RASGEF1B: variants seen among roughly 807,000 people sequenced by gnomAD.
The protein encoded by RASGEF1B is ras-GEF domain-containing family member 1B.
A neutral mutation model predicts 65.7 loss-of-function variants in RASGEF1B; 30 were observed. The observed-to-expected ratio is 0.46, with a 90% CI of 0.34 to 0.62. RASGEF1B has a LOEUF of 0.62. Ranked by LOEUF, RASGEF1B falls within the 20% of genes least tolerant of loss-of-function variation. RASGEF1B has a pLI of 0.01. For synonymous variants in RASGEF1B, 175 were observed against 194.8 expected, an observed-to-expected ratio of 0.90 and a Z score of 0.85; for missense variants, 495 against 580.1, an observed-to-expected ratio of 0.85 and a Z score of 1.51.
Position 81,427,766 on chromosome 4 carries a change from T to C in RASGEF1B, c.*2A>G. On this transcript the variant is annotated 3_prime_UTR_variant, in exon 14 of 14. Coordinates refer to ENST00000264400, the MANE Select transcript of RASGEF1B (RefSeq NM_152545.3). ...CAGCAGCAGGCAGGCAGCTCCCATG[T>C]GTTAAACTCTGCCTAAGAGGCTCGA... is the stretch of plus-strand genomic sequence containing the variant. 6.2e-7 allele frequency: 1 copy of C among 1,614,020 alleles called. No homozygotes were observed. The highest frequency in any genetic ancestry group is 8.5e-7 in the Non-Finnish European group (1 of 1,180,016).
chr4:81,429,156 C>T (rs1721330374), intron 13 of RASGEF1B, among the ~76,000 whole-genome samples: 1 of 152,100 alleles, frequency 6.6e-6, no homozygotes, highest in Admixed American at 6.5e-5. Context: ...TGGCTGGTAA[C>T]GAGAGAGGAA....
chr4:81,465,613 G>C (rs1386480544), intron 1 of RASGEF1B, among the ~76,000 whole-genome samples: 2 of 152,184 alleles, frequency 1.3e-5, no homozygotes, highest in Non-Finnish European at 2.9e-5. Flanking sequence ...GATTTGAAAG[G>C]CATGCCTAAT....
At position 81,426,586 on chromosome 4, in the gene RASGEF1B, TC is replaced by T. The variant is rs1402324964; in HGVS notation, c.*1181del. On this transcript the variant is annotated 3_prime_UTR_variant, in exon 14 of 14. Transcript: ENST00000264400. The stretch of plus-strand genomic sequence containing the variant: ...TAGCACGAATTACTACTCTACAGTT[TC>T]TTCTAGAGTAAATAAATATAATGGC... The T allele has an allele frequency of 6.6e-6, 1 of 152,236 alleles. No individual in the cohort carries two copies. The highest frequency in any genetic ancestry group is 1.5e-5 in the Non-Finnish European group (1 of 68,034). The allele number at this position is 152,236 out of a possible 1,614,324, so 9.4% of individuals were successfully genotyped here. A position where few individuals can be genotyped will look rare whatever the true frequency, so the allele number is the denominator to read the frequency against.
At chr4:81,462,619 C>G (rs1722686785) in intron 1 of RASGEF1B, among the ~76,000 whole-genome samples, 1 of 152,172 alleles carries the variant, frequency 6.6e-6, no homozygotes. Flanking sequence ...GCACAATAGT[C>G]TTATTTTTCT....
At chr4:81,469,526 C>G (rs1578646887) in intron 1 of RASGEF1B, among the ~76,000 whole-genome samples, 1 of 152,038 alleles carries the variant, frequency 6.6e-6, no homozygotes, top group Admixed American at 6.5e-5. Context: ...CTATTGTACT[C>G]TATTAACTAG....
At chr4:81,458,239 C>G (rs1375230521) in intron 2 of RASGEF1B, among the ~76,000 whole-genome samples, 1 of 152,164 alleles carries the variant, frequency 6.6e-6, no homozygotes, top group Non-Finnish European at 1.5e-5. Flanking sequence ...CACATTGTCT[C>G]CTAAGAAGCC....
Position 81,440,856 on chromosome 4 carries a change from G to GTTAAAGAC in RASGEF1B, c.1074_1081dup (p.Thr361SerfsTer3). On this transcript the variant is annotated stop_gained and frameshift_variant, in exon 10 of 14. Coordinates refer to ENST00000264400, the MANE Select transcript of RASGEF1B (RefSeq NM_152545.3). LOFTEE classifies it high-confidence loss of function. The stretch of plus-strand genomic sequence containing the variant: ...TACCTTTTCTCTACTACTATGAGCA[G>GTTAAAGAC]TTAAAGACCTTTGTGCTGCCCCACG... The GTTAAAGAC allele has an allele frequency of 6.2e-7, 1 of 1,612,024 alleles. No homozygotes were observed. The highest frequency in any genetic ancestry group is 8.5e-7 in the Non-Finnish European group (1 of 1,178,362).
chr4:81,471,099 T>C, intron 1 of RASGEF1B: 1 of 152,120 alleles, frequency 6.6e-6, no homozygotes, highest in East Asian at 1.9e-4. Context: ...GGCGACTCAG[T>C]GTCTCCCAAG....
intron 9 of RASGEF1B, 34 bp from the exon 10 acceptor site, chr4:81,440,963 T>C: frequency 7.3e-7 from 1 of 1,372,502 alleles, no homozygotes; most frequent in Admixed American, 1.7e-5. Context: ...ATTAACTATT[T>C]ATTTATTGTA....
intron 2 of RASGEF1B, 127 bp from the exon 3 acceptor site, chr4:81,457,748 C>A (rs1722500517): frequency 1.0e-6 from 1 of 953,210 alleles, no homozygotes; most frequent in Non-Finnish European, 1.6e-6. Flanking sequence ...AAAAGTAATG[C>A]CTACTAGTAG....
At chr4:81,429,030 T>C (rs774802827) in intron 13 of RASGEF1B, among the ~76,000 whole-genome samples, 1 of 152,240 alleles carries the variant, frequency 6.6e-6, no homozygotes, top group Non-Finnish European at 1.5e-5. Context: ...TGACGAGTAA[T>C]AGAGAGCAAG....
chr4:81,449,463 G>C (rs1397123004), intron 4 of RASGEF1B, among the ~76,000 whole-genome samples: 1 of 152,198 alleles, frequency 6.6e-6, no homozygotes. Flanking sequence ...TATGATATAA[G>C]TTGCAGAGTC....
At chr4:81,446,778 GACAA>G (rs1423299736) in intron 6 of RASGEF1B, among the ~76,000 whole-genome samples, 5 of 152,138 alleles carry the variant, frequency 3.3e-5, no homozygotes, top group Non-Finnish European at 4.4e-5. Context: ...AAAAGAAAGA[GACAA>G]ACAAAGAGTC....
intron 4 of RASGEF1B, chr4:81,454,401 A>G (rs759880724): frequency 1.3e-5 from 2 of 152,220 alleles, no homozygotes; most frequent in Non-Finnish European, 2.9e-5. Flanking sequence ...CTGACATATA[A>G]TGTTAAGTAG....
chr4:81,447,642 C>T, intron 5 of RASGEF1B, 64 bp from the exon 6 acceptor site: 6 of 1,180,494 alleles, frequency 5.1e-6, no homozygotes, highest in Non-Finnish European at 7.6e-6. Context: ...ACTGTCAACT[C>T]CCTCTATGAC....
chr4:81,440,035 C>T (rs932375662), intron 10 of RASGEF1B, among the ~76,000 whole-genome samples: 1 of 152,040 alleles, frequency 6.6e-6, no homozygotes, highest in Non-Finnish European at 1.5e-5. Flanking sequence ...ATGTTTTTTA[C>T]CTCATTTTCT....
At chr4:81,456,409 T>A in intron 4 of RASGEF1B, 1 of 626,070 alleles carries the variant, frequency 1.6e-6, no homozygotes, top group Non-Finnish European at 2.9e-6. Context: ...ATCCTGTGCA[T>A]GAGTTGACAT....
chr4:81,430,374 G>A (rs185401836), intron 13 of RASGEF1B, among the ~76,000 whole-genome samples: 3 of 152,182 alleles, frequency 2.0e-5, no homozygotes, highest in African/African-American at 4.8e-5. Context: ...CCAGTACACC[G>A]AGGCAAGAAT....
At chr4:81,450,838 G>A (rs866904574) in intron 4 of RASGEF1B, 3 of 152,150 alleles carry the variant, frequency 2.0e-5, no homozygotes, top group South Asian at 2.1e-4. Flanking sequence ...ACTCCAGCCT[G>A]GGTAACAAAG....
Sources: gnomAD v4.1 joint callset for allele counts (sites outside exome capture counted in the v4.1 genomes callset) on GRCh38, gnomAD v4.1.1 for gene constraint, MANE v1.5 for transcripts, NCBI Gene and HGNC (gene_info 2026-07-23, HGNC 2026-07-21) for gene names.